Variants in SORCS2 observed in about 807,000 individuals in gnomAD.
SORCS2 encodes sortilin related VPS10 domain containing receptor 2.
In SORCS2, 100 loss-of-function variants were observed where a neutral mutation model predicts 141.6. That is an observed-to-expected ratio of 0.71 (90% CI 0.60 to 0.83). The LOEUF is 0.83. Ranked by LOEUF, SORCS2 falls within the 40% of genes least tolerant of loss-of-function variation. The pLI, the probability that SORCS2 is intolerant of heterozygous loss-of-function variation, is 0.00. For synonymous variants in SORCS2, 789 were observed against 676.9 expected (o/e 1.17, Z -2.57); for missense variants, 1,646 against 1,560.2 (o/e 1.05, Z -0.93).
chr4:7,271,192 C>A (rs10937797), intron 1 of SORCS2, among the ~76,000 whole-genome samples: 57,798 of 152,068 alleles, frequency 0.38, 13,632 homozygotes, highest in Non-Finnish European at 0.52. Context: ...GCCAGAAGGA[C>A]CCTGTCAAAA....
intron 2 of SORCS2, chr4:7,433,836 C>T: frequency 1.2e-6 from 2 of 1,613,852 alleles, no homozygotes; most frequent in Non-Finnish European, 1.7e-6. Flanking sequence ...CCACAAGCTG[C>T]ACCAAGGAGG....
chr4:7,627,685 G>A (rs1487075635), intron 3 of SORCS2, among the ~76,000 whole-genome samples: 1 of 152,246 alleles, frequency 6.6e-6, no homozygotes, highest in East Asian at 1.9e-4. Flanking sequence ...TGGCAGGGAA[G>A]AGGTTAGGCA....
chr4:7,479,597 G>C (rs950817110), intron 2 of SORCS2, among the ~76,000 whole-genome samples: 1 of 152,180 alleles, frequency 6.6e-6, no homozygotes, highest in Admixed American at 6.5e-5. Flanking sequence ...TGCATGCTTG[G>C]CTTGGCAGGG....
At chr4:7,652,605 C>T (rs1365992524) in intron 4 of SORCS2, among the ~76,000 whole-genome samples, 3 of 152,166 alleles carry the variant, frequency 2.0e-5, no homozygotes, top group Non-Finnish European at 4.4e-5. Flanking sequence ...AACCCTCTCA[C>T]CCTCTTTGCT....
chr4:7,677,575 T>C (rs1577065216), intron 9 of SORCS2, among the ~76,000 whole-genome samples: 1 of 152,176 alleles, frequency 6.6e-6, no homozygotes, highest in Non-Finnish European at 1.5e-5. Flanking sequence ...CAGTGGCCCA[T>C]TGATGCAGGC....
At chr4:7,554,617 A>C (rs2109646661) in intron 3 of SORCS2, among the ~76,000 whole-genome samples, 2 of 152,320 alleles carry the variant, frequency 1.3e-5, no homozygotes, top group Middle Eastern at 6.8e-3. Flanking sequence ...TGTAGGTAGA[A>C]TGATGAAAAA....
intron 1 of SORCS2, among the ~76,000 whole-genome samples, chr4:7,239,463 T>C (rs890448074): frequency 1.3e-5 from 2 of 152,246 alleles, no homozygotes; most frequent in Non-Finnish European, 2.9e-5. Context: ...CTTGCTTTCC[T>C]GGAGGGCTTC....
rs1464169326 is a variant in SORCS2, at chr4:7,664,273, A to G, written c.953-80A>G. ...CACACCACAGCGGTATTGGAGGAAG[A>G]TGGAGTCCAGCACATGTCTCGGGCC... On this transcript the variant is annotated intron_variant, in intron 6 of 26. Transcript: ENST00000507866. This position sits in a 1 kb window ranked among gnomAD's most constrained non-coding sequence, Gnocchi z 4.7. The G allele has an allele frequency of 2.7e-6, 3 of 1,126,442 alleles. No individual in the cohort carries two copies. Among genetic ancestry groups the G allele is most frequent in the Non-Finnish European group, 3.9e-6 (3 of 772,374 alleles). 69.8% of individuals were successfully genotyped at this position (1,126,442 alleles called of 1,614,324 possible). A position where few individuals can be genotyped will look rare whatever the true frequency, so the allele number is the denominator to read the frequency against.
intron 1 of SORCS2, among the ~76,000 whole-genome samples, chr4:7,295,917 G>A (rs930506019): frequency 6.6e-6 from 1 of 152,224 alleles, no homozygotes; most frequent in African/African-American, 2.4e-5. Flanking sequence ...GCTTTCCCAT[G>A]GCTGGGGCTA....
chr4:7,436,612 T>C (rs1727319630), intron 2 of SORCS2, among the ~76,000 whole-genome samples: 3 of 152,234 alleles, frequency 2.0e-5, no homozygotes, highest in African/African-American at 7.2e-5. Context: ...ATTGTCTTTG[T>C]ATGATTGACC....
chr4:7,503,625 C>G (rs1732104917), intron 2 of SORCS2, among the ~76,000 whole-genome samples: 1 of 152,120 alleles, frequency 6.6e-6, no homozygotes. Flanking sequence ...ACCCAGGATG[C>G]AGGGAGAGGC....
chr4:7,486,369 G>A (rs1029312893), intron 2 of SORCS2, among the ~76,000 whole-genome samples: 6 of 38,528 alleles, frequency 1.6e-4, no homozygotes, highest in Non-Finnish European at 3.7e-4. Context: ...AGATGGAGGG[G>A]TCTTCCAGCC....
intron 2 of SORCS2, among the ~76,000 whole-genome samples, chr4:7,475,081 G>C (rs1305158148): frequency 1.3e-5 from 2 of 152,302 alleles, no homozygotes; most frequent in East Asian, 3.9e-4. Flanking sequence ...CAAAGACCCT[G>C]TTTCCATTTG....
rs956840588 is a variant in SORCS2, at chr4:7,361,510, C to T, written c.481-34778C>T. Among the ~76,000 whole-genome samples, 8 of 152,254 alleles carry T rather than the reference C, an allele frequency of 5.3e-5. No homozygotes were observed. The South Asian group carries it at 1.0e-3, about 20-fold the overall frequency. The stretch of plus-strand genomic sequence containing the variant: ...AGGATCTGGGCTTCTCACGCTGGGC[C>T]GCCTGACATGGGCTGGACACCATAA... On this transcript the variant is annotated intron_variant, in intron 1 of 26. Transcript: ENST00000507866.
At chr4:7,507,945 A>G (rs1252878137) in intron 2 of SORCS2, among the ~76,000 whole-genome samples, 1 of 152,210 alleles carries the variant, frequency 6.6e-6, no homozygotes, top group Admixed American at 6.5e-5. Context: ...TAGCTGCCAA[A>G]AGAAAATGTG....
rs150940849 is a variant in SORCS2, at chr4:7,205,781, G to A, written c.480+12655G>A. Among the ~76,000 whole-genome samples the A allele has an allele frequency of 6.9e-3, 1,057 of 152,348 alleles. 10 individuals are homozygous for A. Among genetic ancestry groups the A allele is most frequent in the African/African-American group, 0.023 (954 of 41,588 alleles). On this transcript the variant is annotated intron_variant, in intron 1 of 26. Transcript: ENST00000507866. ...CCTGAGGCCGGACGCGGTGGCTCAC[G>A]CCCGGAATCCCAGCACTTTGGGAGG...
At chr4:7,695,871 G>C (rs1188740208) in intron 11 of SORCS2, among the ~76,000 whole-genome samples, 1 of 127,078 alleles carries the variant, frequency 7.9e-6, no homozygotes. Flanking sequence ...TGGATGGGTG[G>C]GTGGGTGGAT....
intron 1 of SORCS2, among the ~76,000 whole-genome samples, chr4:7,256,326 G>A (rs1419238198): frequency 1.3e-5 from 2 of 152,170 alleles, no homozygotes; most frequent in African/African-American, 4.8e-5. Context: ...TAGAGAATCT[G>A]GAAGTCTGTA....
At chr4:7,611,561 G>A (rs934236679) in intron 3 of SORCS2, among the ~76,000 whole-genome samples, 3 of 152,092 alleles carry the variant, frequency 2.0e-5, no homozygotes, top group Non-Finnish European at 2.9e-5. Flanking sequence ...AGCCTTCAGG[G>A]CCCCCTGAAG....
Sources: gnomAD v4.1 joint callset for allele counts (sites outside exome capture counted in the v4.1 genomes callset) on GRCh38, gnomAD v4.1.1 for gene constraint, Gnocchi (gnomAD v3.1) non-coding constraint, MANE v1.5 for transcripts, NCBI Gene and HGNC (gene_info 2026-07-23, HGNC 2026-07-21) for gene names.